Variants in NRIP1 observed in about 807,000 individuals in gnomAD.
NRIP1 encodes nuclear receptor interacting protein 1, also known as nuclear receptor-interacting protein 1.
A neutral mutation model predicts 75.0 loss-of-function variants in NRIP1; 28 were observed. The ratio of observed to expected loss-of-function variants is 0.37; its 90% CI spans 0.28 to 0.51. NRIP1 has a LOEUF of 0.51. Among genes scored for constraint, NRIP1 ranks in the 20% least tolerant of loss-of-function variants. The pLI is 0.92. For missense variants in NRIP1, 1,435 were observed against 1,343.7 expected (o/e 1.07, Z -1.06); for synonymous variants, 526 against 487.6 (o/e 1.08, Z -1.04).
rs1277243420 is a variant in NRIP1, at chr21:14,962,848, TA to T, written c.*1867del. 6.6e-6 allele frequency: 1 copy of T among 152,510 alleles called. No individual in the cohort carries two copies. Among genetic ancestry groups the T allele is most frequent in the African/African-American group, 2.4e-5 (1 of 41,444 alleles). 9.4% of individuals were successfully genotyped at this position (152,510 alleles called of 1,614,324 possible). A position where few individuals can be genotyped will look rare whatever the true frequency, so the allele number is the denominator to read the frequency against. On this transcript the variant is annotated 3_prime_UTR_variant, in exon 4 of 4. Coordinates refer to ENST00000318948, the MANE Select transcript of NRIP1 (RefSeq NM_003489.4). ...TAGGAAATCACACCTATTTTTAATA[TA>T]AAAATCTTAGAAACCACTTCAAGTA...
chr21:15,030,544 G>A (rs1215526655), intron 2 of NRIP1, among the ~76,000 whole-genome samples: 2 of 152,180 alleles, frequency 1.3e-5, no homozygotes, highest in African/African-American at 4.8e-5. Flanking sequence ...GTTACAAACA[G>A]GGTTTCCTCT....
intron 3 of NRIP1, among the ~76,000 whole-genome samples, chr21:14,973,834 G>A (rs1279366443): frequency 7.0e-6 from 1 of 142,292 alleles, no homozygotes; most frequent in Non-Finnish European, 1.5e-5. Context: ...GTGCCACCAT[G>A]CAGAGCTGAT....
intron 3 of NRIP1, among the ~76,000 whole-genome samples, chr21:14,979,031 T>C (rs1472317963): frequency 2.0e-5 from 3 of 152,188 alleles, no homozygotes; most frequent in Non-Finnish European, 4.4e-5. Flanking sequence ...AGACAGTACA[T>C]ACCTATTTAT....
intron 3 of NRIP1, among the ~76,000 whole-genome samples, chr21:14,975,358 C>G (rs556893933): frequency 5.7e-4 from 86 of 152,000 alleles, no homozygotes; most frequent in African/African-American, 2.0e-3. Flanking sequence ...TTAATAAAAA[C>G]TTAAAACAAA....
At chr21:15,047,060 C>G (rs370005230) in intron 1 of NRIP1, among the ~76,000 whole-genome samples, 1 of 152,106 alleles carries the variant, frequency 6.6e-6, no homozygotes, top group East Asian at 1.9e-4. Flanking sequence ...TCTCACACAG[C>G]TATGAAAAAA....
intron 1 of NRIP1, among the ~76,000 whole-genome samples, chr21:15,058,214 T>C (rs2089347253): frequency 1.3e-5 from 2 of 152,168 alleles, no homozygotes; most frequent in South Asian, 4.1e-4. Flanking sequence ...AAACGTGGAA[T>C]AACAGGAATA....
chr21:14,971,420 T>C (rs1400402724), intron 3 of NRIP1: 1 of 152,220 alleles, frequency 6.6e-6, no homozygotes, highest in Non-Finnish European at 1.5e-5. Flanking sequence ...GAGAAGGTCA[T>C]TCTAAATATT....
intron 3 of NRIP1, among the ~76,000 whole-genome samples, chr21:15,011,817 T>C (rs975749801): frequency 6.6e-6 from 1 of 152,160 alleles, no homozygotes; most frequent in African/African-American, 2.4e-5. Flanking sequence ...AGAAAGTATA[T>C]AAAGTCCTAT....
At chr21:14,991,643 A>G (rs2087574802) in intron 3 of NRIP1, among the ~76,000 whole-genome samples, 1 of 152,200 alleles carries the variant, frequency 6.6e-6, no homozygotes. Flanking sequence ...GTGTCACTCC[A>G]GAATTTTTGC....
intron 2 of NRIP1, among the ~76,000 whole-genome samples, chr21:15,022,597 A>G (rs2088405329): frequency 6.6e-6 from 1 of 152,248 alleles, no homozygotes; most frequent in African/African-American, 2.4e-5. Flanking sequence ...CACTTCTCTC[A>G]TTATTTTAAA....
chr21:15,040,682 C>T (rs1470991353), intron 2 of NRIP1, among the ~76,000 whole-genome samples: 1 of 152,038 alleles, frequency 6.6e-6, no homozygotes, highest in Non-Finnish European at 1.5e-5. Context: ...ATCATAAGTA[C>T]ATAGAGGAGG....
chr21:14,977,873 G>A (rs1292978678), intron 3 of NRIP1, among the ~76,000 whole-genome samples: 1 of 152,088 alleles, frequency 6.6e-6, no homozygotes, highest in African/African-American at 2.4e-5. Flanking sequence ...TCAACTGAGG[G>A]CCTCAACATT....
At chr21:15,011,870 A>G (rs2088112277) in intron 3 of NRIP1, among the ~76,000 whole-genome samples, 1 of 152,230 alleles carries the variant, frequency 6.6e-6, no homozygotes, top group African/African-American at 2.4e-5. Context: ...GTTACTCAAT[A>G]TGATGATTGT....
At chr21:15,007,842 C>G (rs1260339973) in intron 3 of NRIP1, among the ~76,000 whole-genome samples, 1 of 152,220 alleles carries the variant, frequency 6.6e-6, no homozygotes, top group East Asian at 1.9e-4. Flanking sequence ...ACCCAACATT[C>G]TATCAGCTTC....
chr21:15,027,025 C>A (rs539937583), intron 2 of NRIP1, among the ~76,000 whole-genome samples: 1 of 151,888 alleles, frequency 6.6e-6, no homozygotes, highest in East Asian at 1.9e-4. Flanking sequence ...CTTGTACCCA[C>A]AAAAACTAAA....
At chr21:14,998,467 G>C (rs1345623167) in intron 3 of NRIP1, among the ~76,000 whole-genome samples, 2 of 152,184 alleles carry the variant, frequency 1.3e-5, no homozygotes, top group South Asian at 2.1e-4. Flanking sequence ...GCCTTCCTCT[G>C]CAAAGCCATG....
At chr21:14,972,901 T>C (rs956844610) in intron 3 of NRIP1, among the ~76,000 whole-genome samples, 3 of 152,100 alleles carry the variant, frequency 2.0e-5, no homozygotes, top group Non-Finnish European at 4.4e-5. Flanking sequence ...CAGGCGGTAA[T>C]GCTTGCTGGC....
chr21:15,028,884 A>C (rs1171233643), intron 2 of NRIP1, among the ~76,000 whole-genome samples: 2 of 152,128 alleles, frequency 1.3e-5, no homozygotes, highest in Non-Finnish European at 2.9e-5. Context: ...TGACATCCCC[A>C]TTTGGAGGTC....
At chr21:15,032,520 C>T (rs2147270736) in intron 2 of NRIP1, among the ~76,000 whole-genome samples, 1 of 151,400 alleles carries the variant, frequency 6.6e-6, no homozygotes, top group African/African-American at 2.4e-5. Flanking sequence ...CGTTCGAAGT[C>T]ACTGAAAAAA....
Sources: allele counts gnomAD v4.1 joint callset (sites outside exome capture counted in the v4.1 genomes callset), GRCh38; gene constraint gnomAD v4.1.1; transcripts MANE v1.5; gene names NCBI Gene and HGNC (gene_info 2026-07-23, HGNC 2026-07-21).